The following PPIG variants were observed in gnomAD, a reference collection of about 807,000 sequenced individuals.
PPIG encodes the protein peptidylprolyl isomerase G.
PPIG carries 26 observed loss-of-function variants against 87.9 expected under a neutral mutation model. The observed-to-expected ratio is 0.30, with a 90% CI of 0.22 to 0.41. PPIG has a LOEUF of 0.41. PPIG is among the 10% of genes least tolerant of loss of function. PPIG has a pLI of 1.00. For missense variants in PPIG, 722 were observed against 879.4 expected, an observed-to-expected ratio of 0.82 and a Z score of 2.26; for synonymous variants, 308 against 276.5, an observed-to-expected ratio of 1.11 and a Z score of -1.13.
intron 5 of PPIG, among the ~76,000 whole-genome samples, chr2:169,606,810 T>G (rs1685344197): frequency 6.6e-6 from 1 of 152,084 alleles, no homozygotes; most frequent in Admixed American, 6.6e-5. Flanking sequence ...TAAAAAACTT[T>G]GAAAAAATGT....
chr2:169,620,005 A>G (rs182441508), intron 9 of PPIG, among the ~76,000 whole-genome samples: 12 of 152,240 alleles, frequency 7.9e-5, no homozygotes, highest in African/African-American at 1.7e-4. Context: ...ATGGTTTGCA[A>G]ATATTTTCTC....
intron 1 of PPIG, among the ~76,000 whole-genome samples, chr2:169,585,279 T>TTTTTTTTTTTTTTTTTTG (rs71006004): frequency 1.3e-5 from 2 of 149,468 alleles, no homozygotes; most frequent in African/African-American, 2.5e-5. Context: ...TCTTTTTTTT[T>TTTTTTTTTTTTTTTTTTG]GAGACGGAGT....
Position 169,637,691 on chromosome 2 carries a change from A to C in PPIG, c.*168A>C, listed in dbSNP as rs1489367385. ...TTGAGTTGATTTTTTGATAATCTGC[A>C]ATCTGGATAATTTGTACTGCTAAAG... On this transcript the variant is annotated 3_prime_UTR_variant, in exon 14 of 14. Coordinates refer to ENST00000260970, the MANE Select transcript of PPIG (RefSeq NM_004792.3). 1 of 672,056 alleles carries C rather than the reference A, an allele frequency of 1.5e-6. No individual in the cohort carries two copies. Among genetic ancestry groups the C allele is most frequent in the Non-Finnish European group, 2.3e-6 (1 of 430,378 alleles). The allele number at this position is 672,056 out of a possible 1,614,324, so 41.6% of individuals were successfully genotyped here. A position where few individuals can be genotyped will look rare whatever the true frequency, so the allele number is the denominator to read the frequency against.
chr2:169,621,704 C>G (rs2105508170), intron 9 of PPIG, among the ~76,000 whole-genome samples: 1 of 151,220 alleles, frequency 6.6e-6, no homozygotes, highest in South Asian at 2.1e-4. Flanking sequence ...TCTAGAAAAT[C>G]TTCATCATTT....
At chr2:169,594,625 C>CTTTTTTTTTTTTTTTTTTT (rs61375406) in intron 1 of PPIG, among the ~76,000 whole-genome samples, 1 of 114,634 alleles carries the variant, frequency 8.7e-6, no homozygotes, top group Admixed American at 9.6e-5. Flanking sequence ...TCTTTCTTTT[C>CTTTTTTTTTTTTTTTTTTT]TTTTTTTTTT....
intron 1 of PPIG, among the ~76,000 whole-genome samples, chr2:169,594,625 CTTTT>C (rs61375406): frequency 3.7e-4 from 42 of 114,616 alleles, no homozygotes; most frequent in Admixed American, 4.8e-4. Flanking sequence ...TCTTTCTTTT[CTTTT>C]TTTTTTTTTT....
intron 9 of PPIG, among the ~76,000 whole-genome samples, chr2:169,626,336 A>G (rs1034557343): frequency 6.6e-6 from 1 of 152,078 alleles, no homozygotes; most frequent in Admixed American, 6.6e-5. Context: ...TTTTCTGAGC[A>G]GACTTATACA....
At chr2:169,604,139 A>G in intron 3 of PPIG, 37 bp downstream of exon 3, 1 of 1,607,194 alleles carries the variant, frequency 6.2e-7, no homozygotes, top group Non-Finnish European at 8.5e-7. Flanking sequence ...ATGGGTGTTT[A>G]ATATTTTAAA....
intron 1 of PPIG, among the ~76,000 whole-genome samples, chr2:169,601,487 GT>G (rs1406220749): frequency 6.6e-6 from 1 of 152,212 alleles, no homozygotes; most frequent in East Asian, 1.9e-4. Context: ...AGGATGTAAA[GT>G]GTTAGGAGGA....
intron 9 of PPIG, among the ~76,000 whole-genome samples, chr2:169,621,575 A>G (rs958943186): frequency 6.6e-6 from 1 of 151,888 alleles, no homozygotes; most frequent in African/African-American, 2.4e-5. Context: ...TACTAAAAAT[A>G]AAAAAAATCT....
At chr2:169,600,334 C>T (rs2044504) in intron 1 of PPIG, among the ~76,000 whole-genome samples, 2 of 152,132 alleles carry the variant, frequency 1.3e-5, no homozygotes, top group African/African-American at 4.8e-5. Context: ...TTCAGCCCCC[C>T]AAAGGGCCGG....
chr2:169,605,360 G>A (rs1685294721), intron 4 of PPIG, among the ~76,000 whole-genome samples: 1 of 151,834 alleles, frequency 6.6e-6, no homozygotes, highest in Non-Finnish European at 1.5e-5. Flanking sequence ...AAAATCAGCT[G>A]GGTATGGTGG....
intron 1 of PPIG, among the ~76,000 whole-genome samples, chr2:169,596,991 C>A (rs1685037570): frequency 6.6e-6 from 1 of 151,998 alleles, no homozygotes; most frequent in African/African-American, 2.4e-5. Flanking sequence ...CGGGAGCCAC[C>A]ACACCCAGCC....
intron 9 of PPIG, among the ~76,000 whole-genome samples, chr2:169,619,821 T>A (rs1488652779): frequency 2.6e-5 from 4 of 152,154 alleles, no homozygotes; most frequent in Admixed American, 2.0e-4. Flanking sequence ...TTTGCATTCC[T>A]TTGATGTTTA....
chr2:169,618,011 T>C (rs948260555), intron 9 of PPIG, among the ~76,000 whole-genome samples: 4 of 152,206 alleles, frequency 2.6e-5, no homozygotes, highest in African/African-American at 9.7e-5. Flanking sequence ...GTTCTTATTA[T>C]TTTGAGATGT....
chr2:169,628,939 CAAAAAAAAAAAAAAAAAAAAA>C (rs71006010), intron 9 of PPIG, among the ~76,000 whole-genome samples: 1 of 92,350 alleles, frequency 1.1e-5, no homozygotes, highest in Non-Finnish European at 2.1e-5. Context: ...ACCCTGTCTC[CAAAAAAAAAAAAAAAAAAAAA>C]AAAAAAAAGG....
At position 169,604,221 on chromosome 2, in the gene PPIG, G is replaced by A. The variant is rs1264371242; in HGVS notation, c.96G>A (p.Val32=). ...TTGTCTTTGAATTATTTTCTGATGT[G>A]TGCCCCAAAACATGCGAGAACTTTC... The part of the protein sequence containing the change: ...GRVVFELFSD[V]CPKTCENFRC... The change falls in exon 4 of 14, where the codon GTG becomes GTA. Residue 32 remains valine (V), a synonymous_variant. Coordinates refer to ENST00000260970, the MANE Select transcript of PPIG (RefSeq NM_004792.3). 1 of 1,611,524 alleles carries A rather than the reference G, an allele frequency of 6.2e-7. No individual in the cohort carries two copies. Among genetic ancestry groups the A allele is most frequent in the Non-Finnish European group, 8.5e-7 (1 of 1,179,764 alleles).
At chr2:169,633,011 C>G (rs551510930) in intron 11 of PPIG, 149 bp from the exon 12 acceptor site, 2 of 638,102 alleles carry the variant, frequency 3.1e-6, no homozygotes, top group Admixed American at 2.7e-5. Flanking sequence ...CTCCTGACCT[C>G]ATGATCCGCC....
intron 1 of PPIG, 98 bp downstream of exon 1, chr2:169,584,588 C>G: frequency 2.2e-6 from 1 of 448,094 alleles, no homozygotes; most frequent in Non-Finnish European, 4.5e-6. Context: ...GGAGCCGGCG[C>G]GGCTGACCGG....
Sources: allele counts gnomAD v4.1 joint callset (sites outside exome capture counted in the v4.1 genomes callset), GRCh38; gene constraint gnomAD v4.1.1; transcripts MANE v1.5; gene names NCBI Gene and HGNC (gene_info 2026-07-23, HGNC 2026-07-21).